Variants in ROBO1 observed in about 807,000 individuals in gnomAD.
ROBO1 encodes roundabout homolog 1.
ROBO1 carries 149 observed loss-of-function variants against 195.9 expected under a neutral mutation model. The observed-to-expected ratio is 0.76, with a 90% CI of 0.67 to 0.87. ROBO1 has a LOEUF of 0.87. Ranked by LOEUF, ROBO1 falls within the 40% of genes least tolerant of loss-of-function variation. The probability of loss-of-function intolerance (pLI) is 0.00; values close to 1 mark genes in which losing one functional copy is unlikely to be tolerated. For missense variants in ROBO1, 1,933 were observed against 2,068.3 expected (o/e 0.93, Z 1.27); for synonymous variants, 816 against 733.2 (o/e 1.11, Z -1.82).
At chr3:78,869,177 C>T (rs988323104) in intron 4 of ROBO1, among the ~76,000 whole-genome samples, 3 of 151,884 alleles carry the variant, frequency 2.0e-5, no homozygotes, top group Admixed American at 6.6e-5. Context: ...TTTTTATCAC[C>T]GTTATAACCC....
At chr3:79,630,349 A>G (rs1945300955) in intron 1 of ROBO1, among the ~76,000 whole-genome samples, 2 of 152,096 alleles carry the variant, frequency 1.3e-5, no homozygotes, top group African/African-American at 4.8e-5. Flanking sequence ...ATGCAAATCA[A>G]TAGATGTGAT....
intron 1 of ROBO1, among the ~76,000 whole-genome samples, chr3:79,636,516 G>A (rs1383693500): frequency 2.0e-5 from 3 of 152,042 alleles, no homozygotes; most frequent in African/African-American, 7.2e-5. Context: ...AATGGCCATC[G>A]TAACAGCCTG....
At chr3:79,594,357 T>C (rs1944097816) in intron 1 of ROBO1, among the ~76,000 whole-genome samples, 1 of 152,038 alleles carries the variant, frequency 6.6e-6, no homozygotes, top group African/African-American at 2.4e-5. Flanking sequence ...CATGGATGTG[T>C]ACATAAAGTG....
intron 2 of ROBO1, among the ~76,000 whole-genome samples, chr3:79,448,924 T>C (rs143542874): frequency 1.3e-5 from 2 of 152,228 alleles, no homozygotes; most frequent in East Asian, 3.9e-4. Context: ...GGATGATAAT[T>C]TCTACCTCCA....
chr3:79,733,773 G>T (rs1235634851), intron 1 of ROBO1, among the ~76,000 whole-genome samples: 1 of 152,014 alleles, frequency 6.6e-6, no homozygotes, highest in East Asian at 1.9e-4. Flanking sequence ...ACTGCTTTGG[G>T]TTGTCTGTTA....
In ROBO1 at chr3:79,731,720, T is replaced by C. The variant is rs563273492; in HGVS notation, c.-51+36032A>G. Among the ~76,000 whole-genome samples the C allele has an allele frequency of 3.9e-5, 6 of 152,290 alleles. No homozygotes were observed. The East Asian group carries it at 9.6e-4, about 24-fold the overall frequency. ...TTATGACATGAGAATATAATACAGATGAAGCCCCTAGCATACCCAAATGTT... is the reference window on the plus strand; with the variant it reads ...TTATGACATGAGAATATAATACAGACGAAGCCCCTAGCATACCCAAATGTT... On this transcript the variant is annotated intron_variant, in intron 1 of 30. Transcript: ENST00000464233.
intron 1 of ROBO1, among the ~76,000 whole-genome samples, chr3:79,646,451 C>G (rs1307617958): frequency 6.6e-6 from 1 of 152,048 alleles, no homozygotes; most frequent in Admixed American, 6.6e-5. Flanking sequence ...TTCTTGTACA[C>G]TGTTGGGAAT....
chr3:78,780,705 A>G (rs2083651405), intron 4 of ROBO1, among the ~76,000 whole-genome samples: 1 of 152,122 alleles, frequency 6.6e-6, no homozygotes, highest in Admixed American at 6.6e-5. Context: ...GTTGTGCAGA[A>G]TTCATTACTA....
chr3:79,494,167 G>T (rs534467392), intron 2 of ROBO1, among the ~76,000 whole-genome samples: 1 of 151,732 alleles, frequency 6.6e-6, no homozygotes, highest in African/African-American at 2.4e-5. Context: ...TTCTCCCCAC[G>T]CCCCATGCTC....
At chr3:79,417,275 G>A (rs1334937888) in intron 2 of ROBO1, among the ~76,000 whole-genome samples, 7 of 152,094 alleles carry the variant, frequency 4.6e-5, no homozygotes, top group Non-Finnish European at 1.0e-4. Flanking sequence ...ACCATATTGT[G>A]AGAAATCTGT....
At chr3:79,022,933 T>C (rs2078130808) in intron 3 of ROBO1, among the ~76,000 whole-genome samples, 1 of 152,162 alleles carries the variant, frequency 6.6e-6, no homozygotes. Context: ...CCAATGATTA[T>C]ATCTTTCATG....
chr3:79,574,439 A>G (rs1943382049), intron 2 of ROBO1, among the ~76,000 whole-genome samples: 1 of 151,942 alleles, frequency 6.6e-6, no homozygotes, highest in Non-Finnish European at 1.5e-5. Context: ...CATAAATACT[A>G]TAAAATTTTA....
chr3:78,979,939 T>A (rs1028393277), intron 3 of ROBO1, among the ~76,000 whole-genome samples: 1 of 152,108 alleles, frequency 6.6e-6, no homozygotes, highest in Non-Finnish European at 1.5e-5. Flanking sequence ...CTTTCTAAAA[T>A]AGAAAAAGCT....
chr3:79,716,653 A>T (rs995301814), intron 1 of ROBO1, among the ~76,000 whole-genome samples: 1 of 151,988 alleles, frequency 6.6e-6, no homozygotes, highest in African/African-American at 2.4e-5. Flanking sequence ...TGTAGCAAAT[A>T]TGGTATTAGA....
At chr3:79,273,925 TTATC>T (rs2030794822) in intron 2 of ROBO1, among the ~76,000 whole-genome samples, 1 of 152,006 alleles carries the variant, frequency 6.6e-6, no homozygotes, top group Non-Finnish European at 1.5e-5. Context: ...AAGAAGATCA[TTATC>T]TAATAATAAA....
chr3:78,789,086 C>G (rs1269063588), intron 4 of ROBO1, among the ~76,000 whole-genome samples: 2 of 152,086 alleles, frequency 1.3e-5, no homozygotes, highest in Non-Finnish European at 1.5e-5. Flanking sequence ...CTTAGTAAGT[C>G]TGAATACAGC....
At chr3:78,602,738 C>T (rs533838170) in intron 29 of ROBO1, among the ~76,000 whole-genome samples, 1 of 152,168 alleles carries the variant, frequency 6.6e-6, no homozygotes, top group East Asian at 1.9e-4. Flanking sequence ...ATGCCCCAAA[C>T]CTTAGGCTCC....
intron 2 of ROBO1, among the ~76,000 whole-genome samples, chr3:79,449,570 CA>C (rs2039378508): frequency 2.0e-5 from 3 of 152,090 alleles, no homozygotes; most frequent in Admixed American, 1.3e-4. Flanking sequence ...ACATTAATGA[CA>C]AACAGAAATC....
In ROBO1 at chr3:78,813,722, T is replaced by C. The variant is rs1040593778; in HGVS notation, c.500-66822A>G. Among the ~76,000 whole-genome samples the C allele has an allele frequency of 1.1e-4, 16 of 152,228 alleles. No homozygotes were observed. In the South Asian group the frequency reaches 3.1e-3, roughly 30 times the overall value. ...GAGTCAATTCTCAATGACTGCTTTA[T>C]ACTGCCTGTTTATAGTATTGGCCTA... On this transcript the variant is annotated intron_variant, in intron 4 of 30. Coordinates refer to ENST00000464233, the MANE Select transcript of ROBO1 (RefSeq NM_002941.4).
Sources: gnomAD v4.1 joint callset for allele counts (sites outside exome capture counted in the v4.1 genomes callset) on GRCh38, gnomAD v4.1.1 for gene constraint, MANE v1.5 for transcripts, NCBI Gene and HGNC (gene_info 2026-07-23, HGNC 2026-07-21) for gene names.